PCDH11X: variants seen among roughly 807,000 people sequenced by gnomAD.
PCDH11X encodes protocadherin 11 X-linked.
Under a neutral mutation model 53.3 loss-of-function variants are expected in PCDH11X, and 18 were observed. The observed-to-expected ratio is 0.34, with a 90% confidence interval of 0.23 to 0.50. The LOEUF (loss-of-function observed/expected upper bound fraction) is 0.50. Ranked by LOEUF, PCDH11X falls within the 20% of genes least tolerant of loss-of-function variation. The pLI is 0.98. For synonymous variants in PCDH11X, 279 were observed against 393.3 expected, an observed-to-expected ratio of 0.71 and a Z score of 3.44; for missense variants, 570 against 1,032.4, an observed-to-expected ratio of 0.55 and a Z score of 6.14.
chrX:92,001,538 G>A (rs1406309110), intron 6 of PCDH11X, among the ~76,000 whole-genome samples: 2 of 102,783 alleles, frequency 1.9e-5, no homozygotes, highest in African/African-American at 3.7e-5. Context: ...GCGTGCTCTC[G>A]GCTCACCACA....
intron 1 of PCDH11X, among the ~76,000 whole-genome samples, chrX:91,793,922 A>G (rs1356511020): frequency 7.1e-5 from 8 of 112,068 alleles, no homozygotes; most frequent in Non-Finnish European, 1.1e-4. Context: ...CACTGAGCTC[A>G]TACTTTGTTT....
chrX:91,946,545 A>C (rs190359827), intron 6 of PCDH11X, among the ~76,000 whole-genome samples: 1,020 of 75,771 alleles, frequency 0.013, 31 homozygotes, highest in African/African-American at 0.049. Context: ...TTTGGATTCA[A>C]ACCTGTTTCC....
rs559314333 is a variant in PCDH11X, at chrX:91,795,810, T to A, written c.-378-13656T>A. Among the ~76,000 whole-genome samples the A allele has an allele frequency of 1.3e-3, 148 of 111,858 alleles. 1 individual carries two copies. In the South Asian group the frequency reaches 0.054, roughly 41 times the overall value. ...AAGAACAGTTTTATAGTCATCTTAA[T>A]TTTAGTGGCAGGTCCCTATGACTTA... is the stretch of plus-strand genomic sequence containing the variant. On this transcript the variant is annotated intron_variant, in intron 1 of 10. Transcript: ENST00000682573.
intron 9 of PCDH11X, among the ~76,000 whole-genome samples, chrX:92,402,018 G>A (rs187374812): frequency 3.2e-4 from 35 of 110,772 alleles, no homozygotes; most frequent in East Asian, 1.7e-3. Context: ...GATTAATTCC[G>A]TTATCAAATT....
chrX:91,849,136 T>A (rs1372904821), intron 5 of PCDH11X, among the ~76,000 whole-genome samples: 1 of 111,275 alleles, frequency 9.0e-6, no homozygotes, highest in Non-Finnish European at 1.9e-5. Flanking sequence ...AAAAATCAAG[T>A]TAAATACAAG....
chrX:91,861,102 G>T (rs1938639727), intron 5 of PCDH11X, among the ~76,000 whole-genome samples: 1 of 110,986 alleles, frequency 9.0e-6, no homozygotes, highest in African/African-American at 3.3e-5. Flanking sequence ...AAATCCATCT[G>T]GTCCTGGGCT....
chrX:92,445,192 CTTTTTTTTTTT>C lies in PCDH11X; in HGVS notation c.3344-23092_3344-23082del, dbSNP rs778466088. Among the ~76,000 whole-genome samples, 26 of 16,522 alleles carry C rather than the reference CTTTTTTTTTTT, an allele frequency of 1.6e-3. No homozygotes were observed. In the South Asian group the frequency reaches 0.034, roughly 21 times the overall value. The allele number at this position is 16,522 out of a possible 115,157, so 14.3% of individuals were successfully genotyped here. A position where few individuals can be genotyped will look rare whatever the true frequency, so the allele number is the denominator to read the frequency against. ...AACTGTGAATCCATTTGGTCCAGGG[CTTTTTTTTTTT>C]TTTTTTTTTTTTTTGATTGGTAGGT... On this transcript the variant is annotated intron_variant, in intron 9 of 10. Coordinates refer to ENST00000682573, the MANE Select transcript of PCDH11X (RefSeq NM_032968.5).
At chrX:92,452,056 A>G (rs1452565469) in intron 9 of PCDH11X, among the ~76,000 whole-genome samples, 1 of 109,498 alleles carries the variant, frequency 9.1e-6, no homozygotes, top group Non-Finnish European at 1.9e-5. Context: ...TATTAATATT[A>G]TCTGTATTTG....
intron 6 of PCDH11X, among the ~76,000 whole-genome samples, chrX:91,994,932 C>A (rs970395227): frequency 1.8e-5 from 2 of 111,286 alleles, no homozygotes; most frequent in Non-Finnish European, 3.8e-5. Context: ...GCTTGTTAGC[C>A]ATCATTTTTT....
In PCDH11X at chrX:92,518,062, T is replaced by C. The variant is rs780182473; in HGVS notation, c.3367+49740T>C. Among the ~76,000 whole-genome samples, 3 of 106,671 alleles carry C rather than the reference T, an allele frequency of 2.8e-5. No homozygotes were observed. The East Asian group carries it at 9.2e-4, about 33-fold the overall frequency. The allele number at this position is 106,671 out of a possible 115,157, so 92.6% of individuals were successfully genotyped here. A position where few individuals can be genotyped will look rare whatever the true frequency, so the allele number is the denominator to read the frequency against. ...ATCTCAAAATTGATGGATTGATTTCTCTTTTTTTATTGGTTGGTTTAAGCA... is the reference window on the plus strand; with the variant it reads ...ATCTCAAAATTGATGGATTGATTTCCCTTTTTTTATTGGTTGGTTTAAGCA... On this transcript the variant is annotated intron_variant, in intron 10 of 10. Coordinates refer to ENST00000682573, the MANE Select transcript of PCDH11X (RefSeq NM_032968.5).
intron 8 of PCDH11X, among the ~76,000 whole-genome samples, chrX:92,332,270 A>G (rs1358196054): frequency 1.8e-5 from 2 of 112,388 alleles, no homozygotes; most frequent in South Asian, 3.6e-4. Context: ...TGACCATTGC[A>G]TTACTTTTGA....
At position 91,996,063 on chromosome X, in the gene PCDH11X, G is replaced by T. The variant is rs370964900; in HGVS notation, c.3033+116790G>T. On this transcript the variant is annotated intron_variant, in intron 6 of 10. Transcript: ENST00000682573. ...TCACCATGTTAGCCAGGATGGTCTC[G>T]ATCTCCTGACCTTGTGATCCGCCCG... Among the ~76,000 whole-genome samples the T allele has an allele frequency of 7.7e-5, 8 of 104,528 alleles. No individual in the cohort carries two copies. In the East Asian group the frequency reaches 1.5e-3, roughly 20 times the overall value. 90.8% of individuals were successfully genotyped at this position (104,528 alleles called of 115,157 possible).
chrX:92,142,651 G>A (rs1569384302), intron 6 of PCDH11X, among the ~76,000 whole-genome samples: 1 of 109,930 alleles, frequency 9.1e-6, no homozygotes, highest in Non-Finnish European at 1.9e-5. Context: ...GTGAATTACA[G>A]TCGCACATGC....
At chrX:92,401,838 G>C (rs1187256402) in intron 9 of PCDH11X, among the ~76,000 whole-genome samples, 2 of 111,805 alleles carry the variant, frequency 1.8e-5, no homozygotes, top group East Asian at 5.6e-4. Flanking sequence ...AAATGATAAC[G>C]CTTCATTTGT....
intron 6 of PCDH11X, among the ~76,000 whole-genome samples, chrX:92,187,430 T>A (rs1368215675): frequency 9.0e-6 from 1 of 111,648 alleles, no homozygotes; most frequent in East Asian, 2.8e-4. Context: ...AGAGTCCTTT[T>A]TTTGATAATT....
intron 6 of PCDH11X, among the ~76,000 whole-genome samples, chrX:92,161,472 G>T (rs1308465491): frequency 9.1e-6 from 1 of 110,416 alleles, no homozygotes; most frequent in Non-Finnish European, 1.9e-5. Context: ...CTTGACTTTT[G>T]ATAACATGAT....
At chrX:91,989,859 A>G (rs2062292305) in intron 6 of PCDH11X, among the ~76,000 whole-genome samples, 1 of 110,089 alleles carries the variant, frequency 9.1e-6, no homozygotes, top group African/African-American at 3.3e-5. Context: ...ATTTCTTCAG[A>G]TACCTTTTTA....
intron 6 of PCDH11X, among the ~76,000 whole-genome samples, chrX:92,070,500 C>T: frequency 8.9e-6 from 1 of 111,856 alleles, no homozygotes; most frequent in East Asian, 2.8e-4. Flanking sequence ...TCTCTCTTGT[C>T]CTGTAAGGTT....
At chrX:91,880,757 AGT>A (rs1473975544) in intron 6 of PCDH11X, among the ~76,000 whole-genome samples, 2 of 109,503 alleles carry the variant, frequency 1.8e-5, no homozygotes, top group Non-Finnish European at 1.9e-5. Context: ...TATTTTACAT[AGT>A]TAGTGGATCT....
Sources: allele counts gnomAD v4.1 joint callset (sites outside exome capture counted in the v4.1 genomes callset), GRCh38; gene constraint gnomAD v4.1.1; transcripts MANE v1.5; gene names NCBI Gene and HGNC (gene_info 2026-07-23, HGNC 2026-07-21).